The following MGAM variants were observed in gnomAD, a reference collection of about 807,000 sequenced individuals.
MGAM encodes alpha-1,4-glucosidase.
Under a neutral mutation model 358.8 loss-of-function variants are expected in MGAM, and 253 were observed. The observed-to-expected ratio is 0.71, with a 90% CI of 0.64 to 0.78. The LOEUF is 0.78. Among genes scored for constraint, MGAM ranks in the 30% least tolerant of loss-of-function variants. The pLI, the probability that MGAM is intolerant of heterozygous loss-of-function variation, is 0.00. For missense variants in MGAM, 3,080 were observed against 3,432.6 expected, an observed-to-expected ratio of 0.90 and a Z score of 2.57; for synonymous variants, 1,105 against 1,227.1, an observed-to-expected ratio of 0.90 and a Z score of 2.08.
At chr7:142,084,379 T>C in intron 53 of MGAM, 140 bp from the exon 54 acceptor site, 1 of 1,048,508 alleles carries the variant, frequency 9.5e-7, no homozygotes, top group South Asian at 1.6e-5. Context: ...CTAGTGGCTC[T>C]ATATCCTGTC....
In MGAM at chr7:142,091,948, C is replaced by G; in HGVS notation, c.6846C>G (p.Phe2282Leu). 1.3e-6 allele frequency: 2 copies of G among 1,529,130 alleles called. No individual in the cohort carries two copies. The highest frequency in any genetic ancestry group is 2.7e-5 in the African/African-American group (2 of 74,288). The allele number at this position is 1,529,130 out of a possible 1,614,324, so 94.7% of individuals were successfully genotyped here. ...YRAYVAFPDF[F>L]RNSTAKWWKR... The stretch of plus-strand genomic sequence containing the variant: ...CTTATGTGGCCTTCCCAGACTTTTT[C>G]CGTAATTCAACTGCCAAGTGGTGGA... Residue 2282 changes from phenylalanine to leucine, a missense_variant, in exon 58 of 71, where the codon TTC becomes TTG. This residue lies in a region of MGAM where 932 missense variants were observed against 1,198.2 expected (regional missense o/e 0.78). Coordinates refer to ENST00000475668, the MANE Select transcript of MGAM (RefSeq NM_001365693.1).
chr7:142,046,309 CT>C (rs1344668487), intron 21 of MGAM, among the ~76,000 whole-genome samples: 2 of 151,356 alleles, frequency 1.3e-5, no homozygotes, highest in African/African-American at 4.9e-5. Flanking sequence ...TGTTAGTTAA[CT>C]TTGTTGACTT....
intron 1 of MGAM, among the ~76,000 whole-genome samples, chr7:141,999,969 A>T (rs1416335929): frequency 6.6e-6 from 1 of 152,176 alleles, no homozygotes; most frequent in Non-Finnish European, 1.5e-5. Context: ...ATTGTTCCAT[A>T]GAGCAAGTAA....
chr7:142,088,799 ATCAT>A (rs1563214352), intron 57 of MGAM, among the ~76,000 whole-genome samples: 3 of 110,326 alleles, frequency 2.7e-5, no homozygotes, highest in Middle Eastern at 5.2e-3. Context: ...CTATCTATCT[ATCAT>A]TCTATCCTAT....
intron 37 of MGAM, among the ~76,000 whole-genome samples, chr7:142,065,006 G>C (rs937829890): frequency 1.3e-5 from 2 of 152,120 alleles, no homozygotes; most frequent in African/African-American, 4.8e-5. Context: ...TCTTCTAAGA[G>C]GATCTTATAA....
rs1806550497 is a variant in MGAM at position 142,022,429 on chromosome 7, C to T, written c.872C>T (p.Thr291Ile). The change falls in exon 7 of 71, where the codon ACT becomes ATT. Residue 291 changes from threonine to isoleucine, a missense_variant. Physicochemically the swap from Thr to Ile is moderately conservative, Grantham distance 89. Transcript: ENST00000475668. ...TGGCCCATATTTAACAGAGACACAACTCCCAATGGAGTAAGCTTTCAAATG... is the reference window on the plus strand; with the variant it reads ...TGGCCCATATTTAACAGAGACACAATTCCCAATGGAGTAAGCTTTCAAATG... Reference protein sequence around the residue: ...KTWPIFNRDTTPNGNGTNLYG... With the variant: ...KTWPIFNRDTIPNGNGTNLYG... 1.2e-6 allele frequency: 2 copies of T among 1,612,900 alleles called. No individual in the cohort carries two copies. The highest frequency in any genetic ancestry group is 2.2e-5 in the South Asian group (2 of 90,942).
chr7:142,076,855 A>G, intron 47 of MGAM, 29 bp downstream of exon 47: 1 of 1,538,984 alleles, frequency 6.5e-7, no homozygotes, highest in Non-Finnish European at 8.9e-7. Context: ...GAGATGGTAC[A>G]TTGAGAATTC....
chr7:142,041,959 A>T (rs866431911), intron 21 of MGAM, among the ~76,000 whole-genome samples: 4,055 of 24,914 alleles, frequency 0.16, 782 homozygotes, highest in African/African-American at 0.37. Flanking sequence ...CATATATATA[A>T]TATATATATA....
chr7:142,004,978 C>T (rs992093136), intron 1 of MGAM, among the ~76,000 whole-genome samples: 1 of 151,982 alleles, frequency 6.6e-6, no homozygotes, highest in Middle Eastern at 3.4e-3. Flanking sequence ...TTTACAGGAA[C>T]TATAAGGGTA....
intron 35 of MGAM, 47 bp from the exon 36 acceptor site, chr7:142,063,452 C>T (rs73740247): frequency 0.031 from 49,311 of 1,585,226 alleles, 1,190 homozygotes; most frequent in African/African-American, 0.11. Context: ...ATTGGCAGGA[C>T]GTAATTATCT....
In MGAM at chr7:142,082,905, T is replaced by G. The variant is rs1457616278; in HGVS notation, c.6268+334T>G. Among the ~76,000 whole-genome samples, 3 of 145,960 alleles carry G rather than the reference T, an allele frequency of 2.1e-5. 1 individual carries two copies. The highest frequency in any genetic ancestry group is 7.3e-5 in the African/African-American group (3 of 41,024). ...GGGTCAGAGAAGTTAGTCTGGGGAT[T>G]GTGAGGGTGTATGGTATGTTGAAAA... On this transcript the variant is annotated intron_variant, in intron 52 of 70. Transcript: ENST00000475668.
intron 37 of MGAM, 60 bp from the exon 38 acceptor site, chr7:142,065,275 C>A (rs1812608998): frequency 6.4e-7 from 1 of 1,574,274 alleles, no homozygotes; most frequent in Non-Finnish European, 8.6e-7. Flanking sequence ...GGAGCAGAAG[C>A]TCTATGGCCT....
intron 68 of MGAM, among the ~76,000 whole-genome samples, chr7:142,101,145 A>T (rs1209167562): frequency 6.6e-6 from 1 of 152,196 alleles, no homozygotes; most frequent in Non-Finnish European, 1.5e-5. Context: ...AGCCATGGGG[A>T]AAGTTTATTT....
rs1387967045 is a variant in MGAM at position 142,021,026 on chromosome 7, T to C, written c.501T>C (p.Asn167=). The change falls in exon 5 of 71, where the codon AAT becomes AAC. Residue 167 remains asparagine (N), a synonymous_variant. Coordinates refer to ENST00000475668, the MANE Select transcript of MGAM (RefSeq NM_001365693.1). ...CTTCTTCACCAGTGTTTGGAAGCAATGTTGACAATGTTCTTCTCACAGCAG... is the reference window on the plus strand; with the variant it reads ...CTTCTTCACCAGTGTTTGGAAGCAACGTTGACAATGTTCTTCTCACAGCAG... ...NLPSSPVFGS[N]VDNVLLTAEY... 21 of 1,613,574 alleles carry C rather than the reference T, an allele frequency of 1.3e-5. No individual in the cohort carries two copies. The highest frequency in any genetic ancestry group is 1.8e-5 in the Non-Finnish European group (21 of 1,179,734).
Position 142,069,302 on chromosome 7 carries a change from C to T in MGAM, c.5061+599C>T, listed in dbSNP as rs1236961665. Among the ~76,000 whole-genome samples, 5 of 145,646 alleles carry T rather than the reference C, an allele frequency of 3.4e-5. 1 individual carries two copies. Among genetic ancestry groups the T allele is most frequent in the East Asian group, 4.1e-4 (2 of 4,924 alleles). On this transcript the variant is annotated intron_variant, in intron 43 of 70. Coordinates refer to ENST00000475668, the MANE Select transcript of MGAM (RefSeq NM_001365693.1). ...GAGGAAGCAATGAAGAGCTCCTTGC[C>T]GCATAGTTTCATTGCTAGTATGATT...
At chr7:142,001,606 A>G (rs1390934835) in intron 1 of MGAM, among the ~76,000 whole-genome samples, 1 of 152,178 alleles carries the variant, frequency 6.6e-6, no homozygotes, top group East Asian at 1.9e-4. Context: ...GACTGTAGCT[A>G]TGGCTCCTCT....
Position 142,059,487 on chromosome 7 carries a change from G to A in MGAM, c.3835G>A (p.Asp1279Asn), listed in dbSNP as rs1274712796. 1 of 1,611,092 alleles carries A rather than the reference G, an allele frequency of 6.2e-7. No homozygotes were observed. The highest frequency in any genetic ancestry group is 1.7e-5 in the Admixed American group (1 of 59,812). Residue 1279 changes from aspartate to asparagine, a missense_variant, in exon 32 of 71, where the codon GAC becomes AAC. By Grantham distance (23) the Asp-to-Asn change is conservative. Around this residue, in one of 5 missense-constraint regions of MGAM, gnomAD observed 1,816 missense variants for 1,840.5 expected, o/e 0.99. Coordinates refer to ENST00000475668, the MANE Select transcript of MGAM (RefSeq NM_001365693.1). The part of the protein sequence containing the change: ...AQIPYDVQYS[D>N]IDYMERQLDF... ...CCTCCCGCAGGATGTGCAGTACTCA[G>A]ACATCGACTACATGGAGCGGCAGCT...
chr7:142,092,406 G>A lies in MGAM; in HGVS notation c.6946-115G>A, dbSNP rs1815477009. On this transcript the variant is annotated intron_variant, in intron 58 of 70. Coordinates refer to ENST00000475668, the MANE Select transcript of MGAM (RefSeq NM_001365693.1). ...AGGATTTGATGAAGCTCCCAGGGCT[G>A]GCATCTATAGGGATTACTGGATGTT... 2 of 1,073,406 alleles carry A rather than the reference G, an allele frequency of 1.9e-6. 1 individual carries two copies. The highest frequency in any genetic ancestry group is 4.3e-5 in the Admixed American group (2 of 46,076). The allele number at this position is 1,073,406 out of a possible 1,614,324, so 66.5% of individuals were successfully genotyped here.
In MGAM at chr7:142,027,655, C is replaced by T. The variant is rs782565745; in HGVS notation, c.1141C>T (p.His381Tyr). ...ALPSYWALGF[H>Y]LSRYEYGTLD... Reference sequence around the variant, plus strand: ...TCCCTCCTACTGGGCGCTTGGATTTCACCTCAGTCGTTACGAATATGGAAC... The same window carrying T: ...TCCCTCCTACTGGGCGCTTGGATTTTACCTCAGTCGTTACGAATATGGAAC... The change falls in exon 10 of 71, where the codon CAC becomes TAC. Residue 381 changes from histidine (H) to tyrosine (Y), a missense_variant. By Grantham distance (83) the His-to-Tyr change is moderately conservative (BLOSUM62 2). Transcript: ENST00000475668. The T allele has an allele frequency of 2.5e-5, 40 of 1,613,638 alleles. No homozygotes were observed. Among genetic ancestry groups the T allele is most frequent in the Non-Finnish European group, 3.4e-5 (40 of 1,179,738 alleles).
Sources: allele counts gnomAD v4.1 joint callset (sites outside exome capture counted in the v4.1 genomes callset), GRCh38; gene constraint gnomAD v4.1.1; regional missense constraint gnomAD v4.1.1; transcripts MANE v1.5; gene names NCBI Gene and HGNC (gene_info 2026-07-23, HGNC 2026-07-21).